The following XKR4 variants were observed in gnomAD, a reference collection of about 807,000 sequenced individuals.
XKR4 encodes the protein XK related 4.
A neutral mutation model predicts 53.9 loss-of-function variants in XKR4; 12 were observed. The observed-to-expected ratio is 0.22, with a 90% CI of 0.14 to 0.36. The LOEUF is 0.36. XKR4 is among the 10% of genes least tolerant of loss of function. XKR4 has a pLI of 1.00. For synonymous variants in XKR4, 354 were observed against 362.4 expected (o/e 0.98, Z 0.26); for missense variants, 799 against 859.5 (o/e 0.93, Z 0.88).
At chr8:55,447,273 G>A (rs992657079) in intron 2 of XKR4, among the ~76,000 whole-genome samples, 4 of 152,126 alleles carry the variant, frequency 2.6e-5, no homozygotes, top group Non-Finnish European at 2.9e-5. Flanking sequence ...ACTGAAAAGA[G>A]GATATGACTT....
intron 2 of XKR4, among the ~76,000 whole-genome samples, chr8:55,418,098 G>T (rs919299603): frequency 2.6e-5 from 4 of 152,170 alleles, no homozygotes; most frequent in Admixed American, 6.5e-5. Context: ...TGCTACAGAG[G>T]CCTCAGCCCA....
intron 1 of XKR4, among the ~76,000 whole-genome samples, chr8:55,215,183 A>T (rs1817783367): frequency 5.3e-5 from 8 of 152,142 alleles, no homozygotes; most frequent in Admixed American, 5.2e-4. Context: ...CTCGTCATTC[A>T]TCCCCTGTGA....
chr8:55,363,252 G>T (rs1803928766), intron 2 of XKR4, among the ~76,000 whole-genome samples: 1 of 152,086 alleles, frequency 6.6e-6, no homozygotes, highest in Non-Finnish European at 1.5e-5. Flanking sequence ...ATGTGCCCAG[G>T]AAAGCTTTAC....
At chr8:55,180,727 T>C (rs1817299327) in intron 1 of XKR4, among the ~76,000 whole-genome samples, 1 of 152,146 alleles carries the variant, frequency 6.6e-6, no homozygotes, top group East Asian at 1.9e-4. Flanking sequence ...GAGACGGGGT[T>C]TCACCATGTT....
At chr8:55,395,322 T>A (rs1381523350) in intron 2 of XKR4, among the ~76,000 whole-genome samples, 4 of 151,728 alleles carry the variant, frequency 2.6e-5, no homozygotes, top group African/African-American at 7.3e-5. Context: ...TGCATTCCCA[T>A]GGAGAAAGCA....
chr8:55,246,701 C>A (rs1818289877), intron 1 of XKR4, among the ~76,000 whole-genome samples: 2 of 149,660 alleles, frequency 1.3e-5, no homozygotes, highest in Admixed American at 1.3e-4. Context: ...AAAAGAAAGA[C>A]CCCATTAAAG....
chr8:55,386,198 G>A (rs1181969511), intron 2 of XKR4, among the ~76,000 whole-genome samples: 1 of 152,082 alleles, frequency 6.6e-6, no homozygotes, highest in Non-Finnish European at 1.5e-5. Flanking sequence ...ACATCCTCGG[G>A]GAGCCCTTCC....
intron 2 of XKR4, among the ~76,000 whole-genome samples, chr8:55,394,370 A>T (rs1242895893): frequency 3.3e-5 from 5 of 152,224 alleles, no homozygotes; most frequent in Admixed American, 2.6e-4. Flanking sequence ...ATTAATGCCA[A>T]AGAAGAACAA....
intron 1 of XKR4, among the ~76,000 whole-genome samples, chr8:55,179,037 G>GA (rs1817273675): frequency 6.6e-6 from 1 of 152,124 alleles, no homozygotes; most frequent in African/African-American, 2.4e-5. Context: ...TGTGTTCCCA[G>GA]AAAAAATTAG....
At chr8:55,478,423 C>A (rs1307316853) in intron 2 of XKR4, among the ~76,000 whole-genome samples, 1 of 148,278 alleles carries the variant, frequency 6.7e-6, no homozygotes, top group Admixed American at 6.8e-5. Flanking sequence ...AAGGAACAAC[C>A]GGTACCAGCC....
At chr8:55,262,998 G>A (rs1042301630) in intron 1 of XKR4, among the ~76,000 whole-genome samples, 1 of 152,042 alleles carries the variant, frequency 6.6e-6, no homozygotes, top group Non-Finnish European at 1.5e-5. Flanking sequence ...TTCCCCACAC[G>A]CCCTGCACAG....
chr8:55,467,545 A>G (rs867751434), intron 2 of XKR4, among the ~76,000 whole-genome samples: 3 of 152,094 alleles, frequency 2.0e-5, no homozygotes, highest in Non-Finnish European at 2.9e-5. Context: ...CCTCCCACAA[A>G]GAATTTGCAA....
At chr8:55,258,793 C>T (rs534406709) in intron 1 of XKR4, among the ~76,000 whole-genome samples, 1 of 152,308 alleles carries the variant, frequency 6.6e-6, no homozygotes, top group African/African-American at 2.4e-5. Context: ...ATTGCTGTCA[C>T]TTCCTTGCTG....
intron 1 of XKR4, chr8:55,135,290 T>C (rs1816609833): frequency 1.6e-5 from 3 of 184,544 alleles, no homozygotes; most frequent in African/African-American, 6.8e-5. Context: ...AAATGGATTA[T>C]ACAAATCAAT....
At chr8:55,274,265 T>G in intron 1 of XKR4, among the ~76,000 whole-genome samples, 1 of 152,164 alleles carries the variant, frequency 6.6e-6, no homozygotes, top group East Asian at 1.9e-4. Context: ...CAACAGAAAT[T>G]TCTTTTCTCA....
In XKR4 at chr8:55,536,464, A is replaced by T. The variant is rs1338040425; in HGVS notation, c.*12237A>T. On this transcript the variant is annotated 3_prime_UTR_variant, in exon 3 of 3. Transcript: ENST00000327381. ...ACATGACTGCAAATATCCTGATGAA[A>T]AGTGGCCAAGTAGATCACTCAAGTG... is the stretch of plus-strand genomic sequence containing the variant. 6.6e-6 allele frequency: 1 copy of T among 152,222 alleles called. No individual in the cohort carries two copies. Among genetic ancestry groups the T allele is most frequent in the Non-Finnish European group, 1.5e-5 (1 of 68,038 alleles). The allele number at this position is 152,222 out of a possible 1,614,324, so 9.4% of individuals were successfully genotyped here.
At chr8:55,466,429 G>A (rs910248556) in intron 2 of XKR4, among the ~76,000 whole-genome samples, 6 of 151,878 alleles carry the variant, frequency 4.0e-5, no homozygotes, top group Admixed American at 2.6e-4. Flanking sequence ...GGTGGGAATT[G>A]AACAATGAGA....
At position 55,527,503 on chromosome 8, in the gene XKR4, A is replaced by G. The variant is rs866564699; in HGVS notation, c.*3276A>G. ...GAAACCATGTTTAATGAATATATATAATGTGTGTGTGTGTATCTTAACCAT... is the reference window on the plus strand; with the variant it reads ...GAAACCATGTTTAATGAATATATATGATGTGTGTGTGTGTATCTTAACCAT... On this transcript the variant is annotated 3_prime_UTR_variant, in exon 3 of 3. Coordinates refer to ENST00000327381, the MANE Select transcript of XKR4 (RefSeq NM_052898.2). The G allele has an allele frequency of 6.6e-6, 1 of 152,194 alleles. No homozygotes were observed. The highest frequency in any genetic ancestry group is 1.9e-4 in the East Asian group (1 of 5,206). 9.4% of individuals were successfully genotyped at this position (152,194 alleles called of 1,614,324 possible).
intron 2 of XKR4, chr8:55,452,551 A>G (rs867532): frequency 0.44 from 317,605 of 715,600 alleles, 72,091 homozygotes; most frequent in East Asian, 0.51. Context: ...TTGGGTTTCT[A>G]GATGGGCATC....
Sources: gnomAD v4.1 joint callset for allele counts (sites outside exome capture counted in the v4.1 genomes callset) on GRCh38, gnomAD v4.1.1 for gene constraint, MANE v1.5 for transcripts, NCBI Gene and HGNC (gene_info 2026-07-23, HGNC 2026-07-21) for gene names.